Variants in TEAD1 observed in about 807,000 individuals in gnomAD.
TEAD1 encodes the protein TEA domain transcription factor 1.
A neutral mutation model predicts 54.9 loss-of-function variants in TEAD1; 9 were observed. That is an observed-to-expected ratio of 0.16 (90% CI 0.10 to 0.29). The LOEUF (loss-of-function observed/expected upper bound fraction) is 0.29, where lower values mean the gene tolerates loss of function less well. Among genes scored for constraint, TEAD1 ranks in the 10% least tolerant of loss-of-function variants. The pLI is 1.00. For missense variants in TEAD1, 387 were observed against 535.9 expected (o/e 0.72, Z 2.74); for synonymous variants, 200 against 187.8 (o/e 1.07, Z -0.53).
chr11:12,677,825 G>T (rs1200833189), intron 2 of TEAD1, among the ~76,000 whole-genome samples: 1 of 152,274 alleles, frequency 6.6e-6, no homozygotes, highest in South Asian at 2.1e-4. Flanking sequence ...TCTCTCATAC[G>T]TGGTGGTCAT....
At chr11:12,759,955 T>C (rs912131966) in intron 2 of TEAD1, among the ~76,000 whole-genome samples, 7 of 152,244 alleles carry the variant, frequency 4.6e-5, no homozygotes, top group Non-Finnish European at 8.8e-5. Context: ...TGAACCACAC[T>C]GCCCATAAGA....
In TEAD1 at chr11:12,870,515, T is replaced by G. The variant is rs533136619; in HGVS notation, c.330+5615T>G. 4.1e-4 allele frequency among the ~76,000 whole-genome samples: 62 copies of G among 151,956 alleles called. 1 individual carries two copies. Among genetic ancestry groups the G allele is most frequent in the African/African-American group, 1.4e-3 (59 of 41,442 alleles). On this transcript the variant is annotated intron_variant, in intron 5 of 12. Transcript: ENST00000527636. ...CATTTGTGGCCAGAGCACAGTGATT[T>G]TGGAAATTAAATTTATACATTCAGA...
chr11:12,921,515 G>A (rs1320163456), intron 10 of TEAD1, among the ~76,000 whole-genome samples: 1 of 134,758 alleles, frequency 7.4e-6, no homozygotes, highest in Non-Finnish European at 1.5e-5. Context: ...ACTCCAGTCT[G>A]CAACAAGAGC....
At chr11:12,886,123 G>A (rs1233030482) in intron 9 of TEAD1, among the ~76,000 whole-genome samples, 1 of 152,238 alleles carries the variant, frequency 6.6e-6, no homozygotes, top group Non-Finnish European at 1.5e-5. Flanking sequence ...GAGAGAATAA[G>A]GGAGCAGAAT....
chr11:12,720,587 C>T (rs1944174119), intron 2 of TEAD1, among the ~76,000 whole-genome samples: 1 of 152,178 alleles, frequency 6.6e-6, no homozygotes, highest in African/African-American at 2.4e-5. Flanking sequence ...GTGAAGGTCT[C>T]ATTGTCAGAA....
At chr11:12,864,768 T>C (rs559309138) in intron 4 of TEAD1, 70 bp from the exon 5 acceptor site, 1 of 1,613,110 alleles carries the variant, frequency 6.2e-7, no homozygotes, top group Admixed American at 1.7e-5. Flanking sequence ...GCTTGCCCAC[T>C]TGTAGGGGGC....
At chr11:12,841,655 A>C (rs570668239) in intron 3 of TEAD1, among the ~76,000 whole-genome samples, 1 of 152,142 alleles carries the variant, frequency 6.6e-6, no homozygotes, top group Non-Finnish European at 1.5e-5. Flanking sequence ...GCACCCTGGT[A>C]GCTTAGCTCC....
At chr11:12,824,101 A>G (rs1215911162) in intron 3 of TEAD1, among the ~76,000 whole-genome samples, 1 of 152,164 alleles carries the variant, frequency 6.6e-6, no homozygotes, top group African/African-American at 2.4e-5. Context: ...TTCTCACAAG[A>G]TTTTAAATCC....
At chr11:12,720,347 A>G (rs1217632826) in intron 2 of TEAD1, among the ~76,000 whole-genome samples, 1 of 152,200 alleles carries the variant, frequency 6.6e-6, no homozygotes, top group Non-Finnish European at 1.5e-5. Flanking sequence ...AATGCAGAAC[A>G]TATAGATACA....
intron 3 of TEAD1, among the ~76,000 whole-genome samples, chr11:12,836,142 C>T (rs149517160): frequency 5.1e-4 from 78 of 152,020 alleles, no homozygotes; most frequent in African/African-American, 1.7e-3. Context: ...TCTTTTAGGC[C>T]GGGTGTGGTG....
At position 12,714,649 on chromosome 11, in the gene TEAD1, G is replaced by A. The variant is rs531711268; in HGVS notation, c.-55+39088G>A. On this transcript the variant is annotated intron_variant, in intron 2 of 12. Coordinates refer to ENST00000527636, the MANE Select transcript of TEAD1 (RefSeq NM_021961.6). ...CCAGTAGTAGTTTCCTGGGGCTGCT[G>A]TAACAAAGCACCATAGGCTGGGGAT... Among the ~76,000 whole-genome samples the A allele has an allele frequency of 5.9e-4, 90 of 152,326 alleles. 1 individual carries two copies. The highest frequency in any genetic ancestry group is 2.0e-3 in the African/African-American group (85 of 41,582).
chr11:12,826,210 C>G (rs929224421), intron 3 of TEAD1, among the ~76,000 whole-genome samples: 2 of 152,176 alleles, frequency 1.3e-5, no homozygotes, highest in African/African-American at 4.8e-5. Flanking sequence ...GAAAAGTGAG[C>G]ACATTATTTA....
chr11:12,809,425 TC>T (rs1946245468), intron 3 of TEAD1, among the ~76,000 whole-genome samples: 1 of 152,170 alleles, frequency 6.6e-6, no homozygotes, highest in Non-Finnish European at 1.5e-5. Context: ...TGCATTTCAC[TC>T]ATTGCTGGGC....
chr11:12,695,465 A>G (rs1456183764), intron 2 of TEAD1, among the ~76,000 whole-genome samples: 1 of 152,140 alleles, frequency 6.6e-6, no homozygotes, highest in Non-Finnish European at 1.5e-5. Flanking sequence ...CTTCTTTTTC[A>G]TGTAGATTTC....
intron 9 of TEAD1, among the ~76,000 whole-genome samples, chr11:12,896,160 C>T (rs1948311832): frequency 6.6e-6 from 1 of 152,018 alleles, no homozygotes; most frequent in South Asian, 2.1e-4. Flanking sequence ...GTATGGTTGT[C>T]TTCTTAAAAA....
At chr11:12,918,739 C>T (rs985475475) in intron 10 of TEAD1, among the ~76,000 whole-genome samples, 2 of 152,140 alleles carry the variant, frequency 1.3e-5, no homozygotes, top group East Asian at 1.9e-4. Context: ...TTGGAAGCCT[C>T]GCAAATGTCC....
At chr11:12,856,538 A>G (rs750729438) in intron 3 of TEAD1, among the ~76,000 whole-genome samples, 3 of 152,192 alleles carry the variant, frequency 2.0e-5, no homozygotes, top group Admixed American at 6.5e-5. Flanking sequence ...ACCCAGGTAC[A>G]AAGTTCAAGG....
At position 12,879,026 on chromosome 11, in the gene TEAD1, G is replaced by A. The variant is rs1224341950; in HGVS notation, c.331-682G>A. On this transcript the variant is annotated intron_variant, in intron 5 of 12. Transcript: ENST00000527636. Reference sequence around the variant, plus strand: ...CCCGTTCAGGAAAAGGAGAAACCACGTACCTGTAGCATCCCCTAGGCTCCT... The same window carrying A: ...CCCGTTCAGGAAAAGGAGAAACCACATACCTGTAGCATCCCCTAGGCTCCT... The A allele has an allele frequency of 7.9e-5, 53 of 667,436 alleles. No individual in the cohort carries two copies. The Admixed American group carries it at 9.8e-4, about 12-fold the overall frequency. The allele number at this position is 667,436 out of a possible 1,614,324, so 41.3% of individuals were successfully genotyped here. A position where few individuals can be genotyped will look rare whatever the true frequency, so the allele number is the denominator to read the frequency against.
chr11:12,756,570 T>C (rs188102070), intron 2 of TEAD1, among the ~76,000 whole-genome samples: 2 of 152,334 alleles, frequency 1.3e-5, no homozygotes, highest in East Asian at 3.9e-4. Flanking sequence ...CCCACAGCGG[T>C]GAGTCAGGAT....
Sources: allele counts gnomAD v4.1 joint callset (sites outside exome capture counted in the v4.1 genomes callset), GRCh38; gene constraint gnomAD v4.1.1; transcripts MANE v1.5; gene names NCBI Gene and HGNC (gene_info 2026-07-23, HGNC 2026-07-21).